SORCS1: variants seen among roughly 807,000 people sequenced by gnomAD.
The protein encoded by SORCS1 is sortilin related VPS10 domain containing receptor 1.
Under a neutral mutation model 146.1 loss-of-function variants are expected in SORCS1, and 60 were observed. The ratio of observed to expected loss-of-function variants is 0.41; its 90% CI spans 0.33 to 0.51. The LOEUF (loss-of-function observed/expected upper bound fraction) is 0.51, where lower values mean the gene tolerates loss of function less well. SORCS1 is among the 20% of genes least tolerant of loss of function. SORCS1 has a pLI of 0.21. For missense variants in SORCS1, 1,352 were observed against 1,487.6 expected, an observed-to-expected ratio of 0.91 and a Z score of 1.50; for synonymous variants, 637 against 584.0, an observed-to-expected ratio of 1.09 and a Z score of -1.31.
At chr10:107,165,581 C>T (rs1471092406), upstream of SORCS1, among the ~76,000 whole-genome samples, 1 of 152,106 alleles carries the variant, frequency 6.6e-6, no homozygotes, top group Non-Finnish European at 1.5e-5. This position sits in a 1 kb window ranked among gnomAD's most constrained non-coding sequence, Gnocchi z 4.0. Context: ...CAGTACGTGG[C>T]ACAGTACCCT....
At chr10:107,013,195 A>G (rs1478686131) in intron 1 of SORCS1, among the ~76,000 whole-genome samples, 1 of 152,182 alleles carries the variant, frequency 6.6e-6, no homozygotes, top group Non-Finnish European at 1.5e-5. Context: ...TCACAAAACT[A>G]AAATTCACCT....
chr10:106,896,959 C>T (rs1228148778), intron 2 of SORCS1, among the ~76,000 whole-genome samples: 7 of 145,108 alleles, frequency 4.8e-5, no homozygotes, highest in Non-Finnish European at 8.9e-5. Context: ...GGTGCAATCT[C>T]GGCTCACTGC....
chr10:107,131,294 C>T (rs1966866453), intron 1 of SORCS1, among the ~76,000 whole-genome samples: 2 of 152,216 alleles, frequency 1.3e-5, no homozygotes, highest in South Asian at 4.1e-4. Context: ...TCCTCTGACC[C>T]AACTCCTGCT....
chr10:106,911,806 C>A (rs1952170253), intron 2 of SORCS1, among the ~76,000 whole-genome samples: 1 of 152,084 alleles, frequency 6.6e-6, no homozygotes, highest in Non-Finnish European at 1.5e-5. Flanking sequence ...ACTCAGGCAT[C>A]AGTTTATATT....
intron 17 of SORCS1, among the ~76,000 whole-genome samples, chr10:106,659,887 G>C (rs986970584): frequency 3.9e-5 from 6 of 152,162 alleles, no homozygotes; most frequent in Non-Finnish European, 7.4e-5. Flanking sequence ...GTTTTCTTAA[G>C]AAAGTTTTCT....
chr10:106,635,499 C>T (rs953466434), intron 18 of SORCS1, among the ~76,000 whole-genome samples: 2 of 152,102 alleles, frequency 1.3e-5, no homozygotes, highest in African/African-American at 4.8e-5. Context: ...GTAACCCAGA[C>T]TGTTAATATT....
chr10:106,963,244 T>C (rs1955341177), intron 1 of SORCS1, among the ~76,000 whole-genome samples: 2 of 149,478 alleles, frequency 1.3e-5, no homozygotes, highest in South Asian at 4.3e-4. Flanking sequence ...GCCTCCCAAG[T>C]AGCTGGGACT....
chr10:106,603,683 T>G (rs113597610), intron 23 of SORCS1, among the ~76,000 whole-genome samples: 1,550 of 152,260 alleles, frequency 0.01, 34 homozygotes, highest in African/African-American at 0.036. Context: ...ACAGCCCTTC[T>G]CAAGTTTCCG....
chr10:107,062,286 T>G (rs1456240424), intron 1 of SORCS1, among the ~76,000 whole-genome samples: 2 of 152,184 alleles, frequency 1.3e-5, no homozygotes, highest in East Asian at 3.8e-4. Flanking sequence ...CTTCAGCATA[T>G]TTTGCTAACA....
intron 1 of SORCS1, among the ~76,000 whole-genome samples, chr10:107,039,342 A>G (rs1959062894): frequency 6.6e-6 from 1 of 151,518 alleles, no homozygotes. Flanking sequence ...GAAAAAAAAA[A>G]AAAAAAAAGG....
At chr10:106,660,504 T>C (rs1474688195) in intron 17 of SORCS1, among the ~76,000 whole-genome samples, 1 of 152,208 alleles carries the variant, frequency 6.6e-6, no homozygotes, top group East Asian at 1.9e-4. Context: ...ATAAAAAGCA[T>C]CTTTTAAAAC....
At chr10:106,753,173 C>T (rs1275059879) in intron 5 of SORCS1, among the ~76,000 whole-genome samples, 1 of 151,382 alleles carries the variant, frequency 6.6e-6, no homozygotes, top group Non-Finnish European at 1.5e-5. Context: ...TTTTTTGTAA[C>T]CTTTTTAGAC....
At chr10:107,057,567 C>A (rs923564239) in intron 1 of SORCS1, among the ~76,000 whole-genome samples, 9 of 152,104 alleles carry the variant, frequency 5.9e-5, no homozygotes, top group Non-Finnish European at 1.3e-4. Context: ...ATAGAGTTTC[C>A]ACACTTGAGC....
chr10:106,657,119 A>C (rs908852099), intron 17 of SORCS1, among the ~76,000 whole-genome samples: 2 of 152,190 alleles, frequency 1.3e-5, no homozygotes, highest in Non-Finnish European at 2.9e-5. Context: ...TACCAAAAGG[A>C]AAAGAAGTCA....
chr10:106,937,751 G>T (rs1953817923), intron 2 of SORCS1, among the ~76,000 whole-genome samples: 1 of 152,036 alleles, frequency 6.6e-6, no homozygotes, highest in Non-Finnish European at 1.5e-5. Context: ...ATCACCTGAG[G>T]TCAGGAGTTT....
chr10:106,928,360 C>T (rs1451893066), intron 2 of SORCS1, among the ~76,000 whole-genome samples: 3 of 152,366 alleles, frequency 2.0e-5, no homozygotes, highest in East Asian at 3.9e-4. Flanking sequence ...CTAAGCCCCT[C>T]ATTGCCAGGG....
At chr10:106,992,782 C>T (rs1238901365) in intron 1 of SORCS1, among the ~76,000 whole-genome samples, 1 of 151,068 alleles carries the variant, frequency 6.6e-6, no homozygotes, top group Non-Finnish European at 1.5e-5. Context: ...AGGCATGCAC[C>T]ACTACACCAG....
In SORCS1 at chr10:106,751,058, C is replaced by CAAAAAAAAAAAAAA; in HGVS notation, c.959+10516_959+10529dup. ...TGGGCGACAGGGTGAGACTCCGTCT[C>CAAAAAAAAAAAAAA]AAAAAAAAAAAAAAAAAAAAAAAAA... On this transcript the variant is annotated intron_variant, in intron 5 of 25. Transcript: ENST00000263054. 1.6e-3 allele frequency among the ~76,000 whole-genome samples: 36 copies of CAAAAAAAAAAAAAA among 22,444 alleles called. 8 individuals are homozygous for CAAAAAAAAAAAAAA. Among genetic ancestry groups the CAAAAAAAAAAAAAA allele is most frequent in the African/African-American group, 3.0e-3 (24 of 7,878 alleles). 14.7% of individuals were successfully genotyped at this position (22,444 alleles called of 152,430 possible).
At chr10:106,897,314 G>A (rs1002612785) in intron 2 of SORCS1, among the ~76,000 whole-genome samples, 6 of 152,086 alleles carry the variant, frequency 3.9e-5, no homozygotes, top group Non-Finnish European at 8.8e-5. Context: ...ACAGGCATAA[G>A]CCACCATACC....
Sources: allele counts gnomAD v4.1 joint callset (sites outside exome capture counted in the v4.1 genomes callset), GRCh38; gene constraint gnomAD v4.1.1; non-coding constraint Gnocchi (gnomAD v3.1); transcripts MANE v1.5; gene names NCBI Gene and HGNC (gene_info 2026-07-23, HGNC 2026-07-21).